The following SAR1A variants were observed in gnomAD, a reference collection of about 807,000 sequenced individuals.
The protein encoded by SAR1A is small COPII coat GTPase SAR1A.
Under a neutral mutation model 22.6 loss-of-function variants are expected in SAR1A, and 6 were observed. The ratio of observed to expected loss-of-function variants is 0.27; its 90% CI spans 0.15 to 0.52. The LOEUF (loss-of-function observed/expected upper bound fraction) is 0.52, where lower values mean the gene tolerates loss of function less well. Among genes scored for constraint, SAR1A ranks in the 20% least tolerant of loss-of-function variants. The probability of loss-of-function intolerance (pLI) is 0.96; values close to 1 mark genes in which losing one functional copy is unlikely to be tolerated. For missense variants in SAR1A, 145 were observed against 245.1 expected (o/e 0.59, Z 2.73); for synonymous variants, 70 against 82.2 (o/e 0.85, Z 0.80).
chr10:70,153,182 C>T (rs1189826293), intron 6 of SAR1A, among the ~76,000 whole-genome samples: 3 of 152,094 alleles, frequency 2.0e-5, no homozygotes, highest in Non-Finnish European at 4.4e-5. Flanking sequence ...ATGCCAAAAC[C>T]CCAAGCTAAA....
At position 70,148,062 on chromosome 10, in the gene SAR1A, TAG is replaced by T. The variant is rs1199681113; in HGVS notation, c.*4412_*4413del. ...CCCAGCTAATTTTTTGTATTTTTAGTAGAGACGGGGTTTCACCGTGTTAGCCA... is the reference window on the plus strand; with the variant it reads ...CCCAGCTAATTTTTTGTATTTTTAGTAGACGGGGTTTCACCGTGTTAGCCA... On this transcript the variant is annotated 3_prime_UTR_variant, in exon 7 of 7. Transcript: ENST00000373241. 6.6e-6 allele frequency: 1 copy of T among 152,178 alleles called. No homozygotes were observed. Among genetic ancestry groups the T allele is most frequent in the Non-Finnish European group, 1.5e-5 (1 of 68,062 alleles). The allele number at this position is 152,178 out of a possible 1,614,324, so 9.4% of individuals were successfully genotyped here.
At chr10:70,157,608 A>G in intron 5 of SAR1A, 156 bp downstream of exon 5, 1 of 575,306 alleles carries the variant, frequency 1.7e-6, no homozygotes, top group Non-Finnish European at 3.1e-6. Flanking sequence ...AATGTCTTAG[A>G]TTTAAAACAT....
In SAR1A at chr10:70,149,000, C is replaced by T. The variant is rs1820964734; in HGVS notation, c.*3476G>A. 1 of 62,688 alleles carries T rather than the reference C, an allele frequency of 1.6e-5. No individual in the cohort carries two copies. Among genetic ancestry groups the T allele is most frequent in the African/African-American group, 6.9e-5 (1 of 14,580 alleles). The allele number at this position is 62,688 out of a possible 1,614,324, so 3.9% of individuals were successfully genotyped here. A position where few individuals can be genotyped will look rare whatever the true frequency, so the allele number is the denominator to read the frequency against. On this transcript the variant is annotated 3_prime_UTR_variant, in exon 7 of 7. Transcript: ENST00000373241. ...ATGGACTGAGCCTAATCTTATTTTC[C>T]ACTCTGCCTCAAACAAAACAACTCA...
At chr10:70,168,835 C>T (rs537048567) in intron 1 of SAR1A, among the ~76,000 whole-genome samples, 9 of 151,976 alleles carry the variant, frequency 5.9e-5, no homozygotes, top group African/African-American at 1.9e-4. Flanking sequence ...CCCCCGCCCC[C>T]CTTTTCTTAA....
At chr10:70,163,918 A>C in intron 1 of SAR1A, 1 of 1,599,532 alleles carries the variant, frequency 6.3e-7, no homozygotes. Context: ...AAAATGAAAG[A>C]CACAGACAGT....
intron 5 of SAR1A, among the ~76,000 whole-genome samples, chr10:70,155,954 T>C (rs1377304343): frequency 2.0e-5 from 3 of 152,244 alleles, no homozygotes; most frequent in African/African-American, 7.2e-5. Context: ...CAAAGGATAT[T>C]AAGTAGGGCA....
At chr10:70,161,576 G>A in intron 3 of SAR1A, 43 bp downstream of exon 3, 1 of 1,609,022 alleles carries the variant, frequency 6.2e-7, no homozygotes, top group Admixed American at 1.7e-5. Flanking sequence ...GCCTAACACT[G>A]ACCTTTAAAG....
At chr10:70,159,529 T>C (rs746795111) in intron 4 of SAR1A, among the ~76,000 whole-genome samples, 8 of 151,806 alleles carry the variant, frequency 5.3e-5, no homozygotes, top group Non-Finnish European at 1.2e-4. Context: ...ACCCAGTCTC[T>C]ACAAAAAACA....
intron 4 of SAR1A, among the ~76,000 whole-genome samples, chr10:70,159,377 T>C (rs1839435581): frequency 6.6e-6 from 1 of 152,210 alleles, no homozygotes. Context: ...TGACCAATGT[T>C]ATATTTTACT....
At chr10:70,156,768 C>G (rs1466842945) in intron 5 of SAR1A, among the ~76,000 whole-genome samples, 1 of 151,068 alleles carries the variant, frequency 6.6e-6, no homozygotes, top group Non-Finnish European at 1.5e-5. Flanking sequence ...GAAATAAATT[C>G]AAGACAGGTT....
chr10:70,157,692 T>A (rs769982587), intron 5 of SAR1A, 72 bp downstream of exon 5: 84 of 1,093,994 alleles, frequency 7.7e-5, no homozygotes, highest in Middle Eastern at 2.4e-4. Flanking sequence ...TGAGCTATAT[T>A]CCTTAAAAAA....
chr10:70,156,718 C>T (rs1193752946), intron 5 of SAR1A, among the ~76,000 whole-genome samples: 1 of 149,364 alleles, frequency 6.7e-6, no homozygotes, highest in Non-Finnish European at 1.5e-5. Flanking sequence ...GCAGGCAATT[C>T]TACATGAGGC....
intron 1 of SAR1A, chr10:70,163,928 T>G: frequency 6.3e-7 from 1 of 1,590,788 alleles, no homozygotes; most frequent in East Asian, 2.2e-5. Context: ...ACACAGACAG[T>G]GAAGAAGAAA....
chr10:70,166,533 T>G (rs1242784381), intron 1 of SAR1A, among the ~76,000 whole-genome samples: 2 of 152,206 alleles, frequency 1.3e-5, no homozygotes, highest in Non-Finnish European at 2.9e-5. Flanking sequence ...TTACCAATGT[T>G]ATCTCAATAT....
chr10:70,167,421 C>T (rs1397736726), intron 1 of SAR1A: 3 of 152,108 alleles, frequency 2.0e-5, no homozygotes, highest in Admixed American at 2.0e-4. Flanking sequence ...AATCCCCTTA[C>T]ATTCAAAGAA....
At chr10:70,162,436 A>G (rs1219339403) in intron 1 of SAR1A, among the ~76,000 whole-genome samples, 1,356 of 129,580 alleles carry the variant, frequency 0.01, 23 homozygotes, top group African/African-American at 0.037. Flanking sequence ...AGGAAAGGAA[A>G]GGAAAAGAAA....
chr10:70,165,644 G>C (rs78686532), intron 1 of SAR1A, among the ~76,000 whole-genome samples: 1 of 152,114 alleles, frequency 6.6e-6, no homozygotes, highest in Non-Finnish European at 1.5e-5. Flanking sequence ...AAAAAAAGTG[G>C]TTTTTTTGAG....
At chr10:70,157,396 T>C (rs1452986168) in intron 5 of SAR1A, among the ~76,000 whole-genome samples, 3 of 114,560 alleles carry the variant, frequency 2.6e-5, no homozygotes, top group East Asian at 5.6e-4. Context: ...AGAGCAAGAC[T>C]CCGTCAAAAA....
At chr10:70,154,182 G>A (rs906879069) in intron 5 of SAR1A, among the ~76,000 whole-genome samples, 11 of 152,174 alleles carry the variant, frequency 7.2e-5, no homozygotes, top group Non-Finnish European at 7.3e-5. Flanking sequence ...TAAGTGCCTC[G>A]AAACAGTTGC....
Sources: allele counts gnomAD v4.1 joint callset (sites outside exome capture counted in the v4.1 genomes callset), GRCh38; gene constraint gnomAD v4.1.1; transcripts MANE v1.5; gene names NCBI Gene and HGNC (gene_info 2026-07-23, HGNC 2026-07-21).